PLA2G4D: variants seen among roughly 807,000 people sequenced by gnomAD.
PLA2G4D encodes the protein phospholipase A2 group IVD.
PLA2G4D carries 80 observed loss-of-function variants against 94.4 expected under a neutral mutation model. The ratio of observed to expected loss-of-function variants is 0.85; its 90% CI spans 0.71 to 1.02. The LOEUF (loss-of-function observed/expected upper bound fraction) is 1.02. Ranked by LOEUF, PLA2G4D falls within the 50% of genes least tolerant of loss-of-function variation. The pLI is 0.00. For missense variants in PLA2G4D, 1,050 were observed against 1,034.7 expected (o/e 1.01, Z -0.20); for synonymous variants, 438 against 440.9 (o/e 0.99, Z 0.08).
chr15:42,070,031 C>T lies in PLA2G4D; in HGVS notation c.2108G>A (p.Ser703Asn), dbSNP rs749538293. Residue 703 changes from serine (S) to asparagine (N), a missense_variant, in exon 19 of 20, where the codon AGC becomes AAC. Transcript: ENST00000290472. Reference protein sequence around the residue: ...RGLPFPRVEPSPQDQHQPREC... With the variant: ...RGLPFPRVEPNPQDQHQPREC... ...CCTTGGCTGGTGCTGGTCCTGAGGG[C>T]TGGGTTCCACCCGGGGGAAGGGCAG... 5.8e-5 allele frequency: 88 copies of T among 1,518,312 alleles called. No individual in the cohort carries two copies. Among genetic ancestry groups the T allele is most frequent in the Non-Finnish European group, 7.5e-5 (85 of 1,133,550 alleles). The allele number at this position is 1,518,312 out of a possible 1,614,324, so 94.1% of individuals were successfully genotyped here.
Position 42,081,088 on chromosome 15 carries a change from T to C in PLA2G4D, c.1003A>G (p.Met335Val), listed in dbSNP as rs762471614. 4.3e-6 allele frequency: 7 copies of C among 1,614,086 alleles called. No homozygotes were observed. The highest frequency in any genetic ancestry group is 2.2e-5 in the East Asian group (1 of 44,902). Residue 335 changes from methionine (M) to valine (V), a missense_variant, in exon 12 of 20, where the codon ATG becomes GTG. Transcript: ENST00000290472. ...AATAGGTGGCCGTAGAGTGAGGTCA[T>C]GGCCCGGGCACCTCCTCCTGTGGCC... is the stretch of plus-strand genomic sequence containing the variant. ...IMATGGGARA[M>V]TSLYGHLLAL...
intron 18 of PLA2G4D, chr15:42,070,299 A>ACG (rs1889778971): frequency 1.8e-6 from 1 of 554,614 alleles, no homozygotes; most frequent in Admixed American, 3.9e-5. Flanking sequence ...TTTGGTTAAA[A>ACG]GCTCTAGGTG....
chr15:42,083,621 C>G, intron 7 of PLA2G4D, 95 bp downstream of exon 7: 1 of 1,448,312 alleles, frequency 6.9e-7, no homozygotes. Flanking sequence ...AAGCTCTACC[C>G]TGCTGCTGGC....
chr15:42,078,566 A>AC (rs1365348047), intron 13 of PLA2G4D, among the ~76,000 whole-genome samples: 3 of 152,250 alleles, frequency 2.0e-5, no homozygotes, highest in African/African-American at 7.2e-5. Context: ...CTTAACCGGT[A>AC]AGAATAATAT....
rs1433459162 is a variant in PLA2G4D, at chr15:42,087,340, C to T, written c.215G>A (p.Trp72Ter). The T allele has an allele frequency of 1.9e-6, 3 of 1,614,184 alleles. No individual in the cohort carries two copies. The highest frequency in any genetic ancestry group is 2.5e-6 in the Non-Finnish European group (3 of 1,180,026). The change falls in exon 3 of 20, where the codon TGG becomes TAG. Residue 72 changes from tryptophan to a stop codon, truncating the protein, a stop_gained. Coordinates refer to ENST00000290472, the MANE Select transcript of PLA2G4D (RefSeq NM_178034.4). LOFTEE classifies it high-confidence loss of function. ...GATAAGGAAACGGAAGGCCTCATTC[C>T]ACACAGGATGACTGGTGTCGGTGAG... The part of the protein sequence containing the change: ...KTLTDTSHPV[W>*]NEAFRFLIQS...
At chr15:42,072,138 G>A in intron 14 of PLA2G4D, 137 bp downstream of exon 14, 2 of 978,586 alleles carry the variant, frequency 2.0e-6, no homozygotes, top group Non-Finnish European at 3.1e-6. Flanking sequence ...GAGATGCCCT[G>A]AGCCCCTCAG....
rs1889701047 is a variant in PLA2G4D, at chr15:42,067,156, C to T, written c.*1559G>A. 2 of 152,152 alleles carry T rather than the reference C, an allele frequency of 1.3e-5. No homozygotes were observed. Among genetic ancestry groups the T allele is most frequent in the African/African-American group, 4.8e-5 (2 of 41,408 alleles). The allele number at this position is 152,152 out of a possible 1,614,324, so 9.4% of individuals were successfully genotyped here. ...GGGCAGTCCCTGAGCCAAGGTCTGT[C>T]CCGAAGCTCTCACTACAACCCCCAC... is the stretch of plus-strand genomic sequence containing the variant. On this transcript the variant is annotated 3_prime_UTR_variant, in exon 20 of 20. Transcript: ENST00000290472.
chr15:42,088,792 T>C (rs567578148), intron 1 of PLA2G4D, among the ~76,000 whole-genome samples: 116 of 152,186 alleles, frequency 7.6e-4, no homozygotes, highest in Non-Finnish European at 1.4e-3. Context: ...ACAGGGGCTG[T>C]CAGGAAGGAA....
chr15:42,086,282 C>A lies in PLA2G4D; in HGVS notation c.318G>T (p.Lys106Asn). ...DSVTEDDICFKVLYDISEVLP... is the reference protein window; with the variant it reads ...DSVTEDDICFNVLYDISEVLP... Reference sequence around the variant, plus strand: ...GGACTTCTGAGATGTCATAGAGAACCTTGAAGCAGATGTCATCCTCCGTGA... The same window carrying A: ...GGACTTCTGAGATGTCATAGAGAACATTGAAGCAGATGTCATCCTCCGTGA... The change falls in exon 4 of 20, where the codon AAG becomes AAT. Residue 106 changes from lysine to asparagine, a missense_variant. By Grantham distance (94) the Lys-to-Asn change is moderately conservative (BLOSUM62 0). Transcript: ENST00000290472. 1 of 1,533,176 alleles carries A rather than the reference C, an allele frequency of 6.5e-7. No individual in the cohort carries two copies. Among genetic ancestry groups the A allele is most frequent in the Admixed American group, 1.9e-5 (1 of 53,330 alleles). The allele number at this position is 1,533,176 out of a possible 1,614,324, so 95.0% of individuals were successfully genotyped here. A position where few individuals can be genotyped will look rare whatever the true frequency, so the allele number is the denominator to read the frequency against.
chr15:42,077,659 A>T (rs1889956279), intron 13 of PLA2G4D, among the ~76,000 whole-genome samples: 1 of 152,262 alleles, frequency 6.6e-6, no homozygotes, highest in Non-Finnish European at 1.5e-5. Context: ...TGCTGGCACA[A>T]GGCTTCCAAT....
rs139271227 is a variant in PLA2G4D at position 42,073,263 on chromosome 15, T to C, written c.1318-871A>G. On this transcript the variant is annotated intron_variant, in intron 13 of 19. Coordinates refer to ENST00000290472, the MANE Select transcript of PLA2G4D (RefSeq NM_178034.4). ...ATCCACCTGCCTTGGCGTCCCAAAG[T>C]GCTGGGATTACAGGCGTGAGGCACC... Among the ~76,000 whole-genome samples the C allele has an allele frequency of 4.3e-3, 662 of 152,306 alleles. 2 individuals carry two copies. Among genetic ancestry groups the C allele is most frequent in the African/African-American group, 0.015 (620 of 41,568 alleles).
Position 42,082,287 on chromosome 15 carries a change from C to A in PLA2G4D, c.775G>T (p.Ala259Ser). Residue 259 changes from alanine to serine, a missense_variant, in exon 9 of 20, where the codon GCT (alanine) becomes TCT (serine). Transcript: ENST00000290472. ...CAGTTGAGGCCACTTACATTTGGAG[C>A]AGGAACATCCATAGTCACCTCCTTC... Reference protein sequence around the residue: ...IGKEVTMDVPAPNAPGVRLQL... With the variant: ...IGKEVTMDVPSPNAPGVRLQL... The A allele has an allele frequency of 6.2e-7, 1 of 1,613,474 alleles. No homozygotes were observed. The highest frequency in any genetic ancestry group is 8.5e-7 in the Non-Finnish European group (1 of 1,179,466).
chr15:42,082,597 T>A (rs997568934), intron 8 of PLA2G4D, among the ~76,000 whole-genome samples: 2 of 152,152 alleles, frequency 1.3e-5, no homozygotes, highest in Admixed American at 1.3e-4. Flanking sequence ...ATGTATAAAT[T>A]TATAAAGACA....
rs545262374 is a variant in PLA2G4D at position 42,093,111 on chromosome 15, T to C, written c.45+1304A>G. ...CCTAGCCTGCTGGCCCAGGTCCCGC[T>C]CTGGGGCAGGTTCCAGGCCCCTGTT... On this transcript the variant is annotated intron_variant, in intron 1 of 19. Coordinates refer to ENST00000290472, the MANE Select transcript of PLA2G4D (RefSeq NM_178034.4). Among the ~76,000 whole-genome samples, 6 of 152,216 alleles carry C rather than the reference T, an allele frequency of 3.9e-5. No individual in the cohort carries two copies. In the South Asian group the frequency reaches 1.2e-3, roughly 32 times the overall value.
At position 42,083,311 on chromosome 15, in the gene PLA2G4D, G is replaced by C; in HGVS notation, c.559C>G (p.Leu187Val). The C allele has an allele frequency of 6.2e-7, 1 of 1,613,824 alleles. No homozygotes were observed. The highest frequency in any genetic ancestry group is 8.5e-7 in the Non-Finnish European group (1 of 1,179,868). ...VADQDKLELE[L>V]VLKGSYEDTQ... ...TCCTCATAGGACCCCTTCAGCACCA[G>C]CTCCAGCTCCAGCTTGTCCTGATCT... The change falls in exon 8 of 20, where the codon CTG (leucine) becomes GTG (valine). Residue 187 changes from leucine to valine, a missense_variant. Physicochemically the swap from Leu to Val is conservative, Grantham distance 32 (BLOSUM62 1). Transcript: ENST00000290472.
At chr15:42,093,208 G>A (rs1184318855) in intron 1 of PLA2G4D, among the ~76,000 whole-genome samples, 1 of 152,242 alleles carries the variant, frequency 6.6e-6, no homozygotes, top group Non-Finnish European at 1.5e-5. Context: ...GAAGGCTGGA[G>A]CTTGAGGACC....
At chr15:42,086,409 G>A in intron 3 of PLA2G4D, 65 bp from the exon 4 acceptor site, 2 of 1,549,830 alleles carry the variant, frequency 1.3e-6, no homozygotes, top group Non-Finnish European at 1.8e-6. Flanking sequence ...CACCTCTGTT[G>A]AGCCCTTACT....
At position 42,072,353 on chromosome 15, in the gene PLA2G4D, C is replaced by T. The variant is rs776794190; in HGVS notation, c.1357G>A (p.Glu453Lys). 2 of 1,613,564 alleles carry T rather than the reference C, an allele frequency of 1.2e-6. No individual in the cohort carries two copies. Among genetic ancestry groups the T allele is most frequent in the Admixed American group, 3.3e-5 (2 of 60,016 alleles). The change falls in exon 14 of 20, where the codon GAA becomes AAA. Residue 453 changes from glutamate to lysine, a missense_variant. Coordinates refer to ENST00000290472, the MANE Select transcript of PLA2G4D (RefSeq NM_178034.4). Reference sequence around the variant, plus strand: ...AGGGGCAGAGGGTTCTGACCCCGTTCCAGGGCGGCTCTCTGTCCTGACAGC... The same window carrying T: ...AGGGGCAGAGGGTTCTGACCCCGTTTCAGGGCGGCTCTCTGTCCTGACAGC... ...QKLSGQRAAL[E>K]RGQNPLPLYL...
chr15:42,083,328 T>C lies in PLA2G4D; in HGVS notation c.542A>G (p.Asp181Gly). The change falls in exon 8 of 20, where the codon GAC (aspartate) becomes GGC (glycine). Residue 181 changes from aspartate to glycine, a missense_variant. By Grantham distance (94) the Asp-to-Gly change is moderately conservative. Transcript: ENST00000290472. ...TGSTAVVADQ[D>G]KLELELVLKG... ...CAGCACCAGCTCCAGCTCCAGCTTG[T>C]CCTGATCTAGGGAGAGAGTAGGCGG... 1.9e-6 allele frequency: 3 copies of C among 1,613,378 alleles called. No individual in the cohort carries two copies. Among genetic ancestry groups the C allele is most frequent in the Non-Finnish European group, 2.5e-6 (3 of 1,179,706 alleles).
Sources: allele counts gnomAD v4.1 joint callset (sites outside exome capture counted in the v4.1 genomes callset), GRCh38; gene constraint gnomAD v4.1.1; transcripts MANE v1.5; gene names NCBI Gene and HGNC (gene_info 2026-07-23, HGNC 2026-07-21).